GRID1: variants seen among roughly 807,000 people sequenced by gnomAD.
The protein encoded by GRID1 is glutamate ionotropic receptor delta type subunit 1, also known as glutamate receptor ionotropic, delta-1.
A neutral mutation model predicts 98.0 loss-of-function variants in GRID1; 28 were observed. That is an observed-to-expected ratio of 0.29 (90% CI 0.21 to 0.39). The LOEUF is 0.39. GRID1 is among the 10% of genes least tolerant of loss of function. The pLI is 1.00. For synonymous variants in GRID1, 553 were observed against 538.5 expected, an observed-to-expected ratio of 1.03 and a Z score of -0.37; for missense variants, 1,111 against 1,340.5, an observed-to-expected ratio of 0.83 and a Z score of 2.67.
chr10:85,815,371 A>G (rs1842707522), intron 8 of GRID1, among the ~76,000 whole-genome samples: 1 of 152,070 alleles, frequency 6.6e-6, no homozygotes, highest in South Asian at 2.1e-4. Context: ...CCTAATCACC[A>G]TCATATTGGA....
At chr10:86,209,247 C>A (rs1846075431) in intron 2 of GRID1, among the ~76,000 whole-genome samples, 1 of 152,146 alleles carries the variant, frequency 6.6e-6, no homozygotes, top group Non-Finnish European at 1.5e-5. Context: ...CAGATAATTC[C>A]TTTTAAAAAG....
At chr10:85,613,711 G>GGCCC in intron 14 of GRID1, 64 bp from the exon 15 acceptor site, 1 of 1,563,590 alleles carries the variant, frequency 6.4e-7, no homozygotes, top group Non-Finnish European at 8.7e-7. Flanking sequence ...CCGGGGCCCT[G>GGCCC]GCCCCTGCCC....
chr10:86,318,286 C>T (rs903620507), intron 2 of GRID1, among the ~76,000 whole-genome samples: 10 of 152,246 alleles, frequency 6.6e-5, no homozygotes, highest in Non-Finnish European at 1.2e-4. Flanking sequence ...CATGGCCCCA[C>T]CTTGGCTTTA....
At chr10:86,214,931 G>A (rs184295475) in intron 2 of GRID1, among the ~76,000 whole-genome samples, 2 of 152,308 alleles carry the variant, frequency 1.3e-5, no homozygotes, top group East Asian at 1.9e-4. Flanking sequence ...TCCAGATTTC[G>A]TGGGTGAGAC....
chr10:85,799,242 T>G (rs767473800), intron 8 of GRID1, among the ~76,000 whole-genome samples: 6 of 152,154 alleles, frequency 3.9e-5, no homozygotes, highest in Non-Finnish European at 7.4e-5. Flanking sequence ...TGGTTACTAT[T>G]GCTTTGGGGT....
Position 86,251,682 on chromosome 10 carries a change from G to GC in GRID1, c.236-45035dup, listed in dbSNP as rs567508966. ...CCAAAGTTGTCACACTTCAGAATCTGCCAATCACTGCTGACAAGTGTCAGA... is the reference window on the plus strand; with the variant it reads ...CCAAAGTTGTCACACTTCAGAATCTGCCCAATCACTGCTGACAAGTGTCAGA... On this transcript the variant is annotated intron_variant, in intron 2 of 15. Transcript: ENST00000327946. Among the ~76,000 whole-genome samples the GC allele has an allele frequency of 2.7e-3, 406 of 152,266 alleles. 2 individuals are homozygous for GC. Among genetic ancestry groups the GC allele is most frequent in the South Asian group, 8.5e-3 (41 of 4,816 alleles).
chr10:86,247,740 A>C (rs1846754826), intron 2 of GRID1, among the ~76,000 whole-genome samples: 1 of 152,194 alleles, frequency 6.6e-6, no homozygotes, highest in African/African-American at 2.4e-5. Flanking sequence ...CACACTAGAC[A>C]GAGCAGAGAC....
At chr10:85,973,673 A>G (rs984210115) in intron 4 of GRID1, among the ~76,000 whole-genome samples, 2 of 152,212 alleles carry the variant, frequency 1.3e-5, no homozygotes, top group Admixed American at 6.5e-5. Context: ...TTTTGTAAAA[A>G]TCTAATAAGA....
chr10:85,965,399 A>G (rs1467126991), intron 4 of GRID1, among the ~76,000 whole-genome samples: 2 of 152,234 alleles, frequency 1.3e-5, no homozygotes, highest in Admixed American at 1.3e-4. Context: ...ATGCCCATCA[A>G]TGATAGCCTG....
intron 8 of GRID1, among the ~76,000 whole-genome samples, chr10:85,786,481 C>T (rs1055296132): frequency 7.9e-5 from 12 of 152,114 alleles, no homozygotes; most frequent in Admixed American, 2.6e-4. Context: ...GCAGGCATGC[C>T]GGACTCCACA....
chr10:86,110,258 G>GCCACC (rs1844459901), intron 4 of GRID1, among the ~76,000 whole-genome samples: 1 of 152,162 alleles, frequency 6.6e-6, no homozygotes, highest in African/African-American at 2.4e-5. Context: ...ACAGGCATGA[G>GCCACC]CCACCGCCCC....
At chr10:85,958,424 G>A (rs1415204895) in intron 4 of GRID1, among the ~76,000 whole-genome samples, 1 of 152,128 alleles carries the variant, frequency 6.6e-6, no homozygotes, top group Admixed American at 6.5e-5. Context: ...TGGGCCACAG[G>A]GTGTCCAGAC....
At chr10:85,605,055 G>A (rs1282196491) in intron 15 of GRID1, among the ~76,000 whole-genome samples, 1 of 152,232 alleles carries the variant, frequency 6.6e-6, no homozygotes, top group African/African-American at 2.4e-5. Flanking sequence ...TTCATCTGCT[G>A]CAGCAGTGGG....
intron 4 of GRID1, among the ~76,000 whole-genome samples, chr10:86,119,059 G>A (rs553547713): frequency 7.2e-5 from 11 of 152,202 alleles, no homozygotes; most frequent in East Asian, 1.9e-4. Flanking sequence ...AATATAGGCC[G>A]GGCACAGTGG....
intron 2 of GRID1, among the ~76,000 whole-genome samples, chr10:86,293,099 G>A (rs922934812): frequency 5.9e-5 from 9 of 152,182 alleles, no homozygotes; most frequent in East Asian, 1.9e-4. Context: ...TAGCTGTGCC[G>A]GCGCTGCCTC....
At chr10:85,868,589 G>T (rs73340545) in intron 6 of GRID1, among the ~76,000 whole-genome samples, 2,378 of 152,250 alleles carry the variant, frequency 0.016, 71 homozygotes, top group African/African-American at 0.053. Context: ...CCAATGTGCT[G>T]GGATAGTCCC....
chr10:85,704,375 C>G (rs543938364), intron 12 of GRID1, among the ~76,000 whole-genome samples: 1 of 152,052 alleles, frequency 6.6e-6, no homozygotes, highest in Admixed American at 6.6e-5. Flanking sequence ...ACAAAGAAGG[C>G]CATTACATAA....
At chr10:85,849,468 G>A (rs942252322) in intron 8 of GRID1, among the ~76,000 whole-genome samples, 2 of 152,154 alleles carry the variant, frequency 1.3e-5, no homozygotes, top group Non-Finnish European at 2.9e-5. Flanking sequence ...CTGGGAAATC[G>A]CTGGAACAGG....
chr10:85,952,095 C>G (rs1842132788), intron 4 of GRID1, among the ~76,000 whole-genome samples: 1 of 152,214 alleles, frequency 6.6e-6, no homozygotes, highest in Non-Finnish European at 1.5e-5. Context: ...AAAAACAAGA[C>G]TTACGTCGAT....
Sources: gnomAD v4.1 joint callset for allele counts (sites outside exome capture counted in the v4.1 genomes callset) on GRCh38, gnomAD v4.1.1 for gene constraint, MANE v1.5 for transcripts, NCBI Gene and HGNC (gene_info 2026-07-23, HGNC 2026-07-21) for gene names.